RAI1: variants seen among roughly 807,000 people sequenced by gnomAD.
RAI1 encodes the protein retinoic acid-induced protein 1.
RAI1 carries 9 observed loss-of-function variants against 123.8 expected under a neutral mutation model. The ratio of observed to expected loss-of-function variants is 0.07; its 90% confidence interval spans 0.04 to 0.13. RAI1 has a LOEUF of 0.13. Ranked by LOEUF, RAI1 falls within the 10% of genes least tolerant of loss-of-function variation. The pLI is 1.00. For synonymous variants in RAI1, 1,231 were observed against 1,127.3 expected (o/e 1.09, Z -1.84); for missense variants, 2,256 against 2,545.8 (o/e 0.89, Z 2.45).
intron 2 of RAI1, among the ~76,000 whole-genome samples, chr17:17,741,047 T>C (rs1567863854): frequency 1.3e-5 from 2 of 151,726 alleles, no homozygotes; most frequent in South Asian, 2.1e-4. Flanking sequence ...CGTCAGAGCA[T>C]CCGGAGTGTG....
chr17:17,741,063 C>T (rs1328187377), intron 2 of RAI1, among the ~76,000 whole-genome samples: 2 of 151,464 alleles, frequency 1.3e-5, no homozygotes, highest in African/African-American at 4.9e-5. Flanking sequence ...GTGTGGTGAC[C>T]ATGTTAGTAT....
intron 3 of RAI1, 90 bp downstream of exon 3, chr17:17,798,603 C>T: frequency 6.4e-7 from 1 of 1,551,780 alleles, no homozygotes; most frequent in Non-Finnish European, 8.7e-7. Context: ...TCTAGTGCTA[C>T]AGTGTGGGCC....
In RAI1 at chr17:17,799,995, C is replaced by T. The variant is rs914223887; in HGVS notation, c.5565+1482C>T. On this transcript the variant is annotated intron_variant, in intron 3 of 5. Coordinates refer to ENST00000353383, the MANE Select transcript of RAI1 (RefSeq NM_030665.4). The surrounding 1 kb of genome is among the most constrained non-coding windows in gnomAD (Gnocchi z 4.5). ...TGGGGATGGCTGGAGACCTTCTCCA[C>T]GCCCAGACGCCCTGCCCACCTCACT... is the stretch of plus-strand genomic sequence containing the variant. Among the ~76,000 whole-genome samples the T allele has an allele frequency of 2.6e-5, 4 of 152,122 alleles. No homozygotes were observed. Among genetic ancestry groups the T allele is most frequent in the East Asian group, 1.9e-4 (1 of 5,176 alleles).
chr17:17,688,216 G>A (rs1265990467), intron 1 of RAI1, among the ~76,000 whole-genome samples: 1 of 151,688 alleles, frequency 6.6e-6, no homozygotes, highest in Non-Finnish European at 1.5e-5. Context: ...AGGGCGCGGT[G>A]GCTTACGTCT....
At chr17:17,725,353 AGACGCTGCTCCGGTGACCCGGAGATCCG>A in intron 2 of RAI1, among the ~76,000 whole-genome samples, 1 of 152,048 alleles carries the variant, frequency 6.6e-6, no homozygotes, top group African/African-American at 2.4e-5. Context: ...GATCCTCAGC[AGACGCTGCTCCGGTGACCCGGAGATCCG>A]GACGCCTCGA....
chr17:17,796,116 T>C lies in RAI1; in HGVS notation c.3168T>C (p.Cys1056=). 6.3e-7 allele frequency: 1 copy of C among 1,584,596 alleles called. No homozygotes were observed. The highest frequency in any genetic ancestry group is 1.8e-5 in the Admixed American group (1 of 55,870). ...RGASEGLPRM[C]TRSLTALSEP... is the part of the protein sequence containing the mutation. ...CCTCGGAAGGGCTCCCCAGGATGTG[T>C]ACTCGTTCTCTCACGGCCCTGAGTG... The change falls in exon 3 of 6, where the codon TGT becomes TGC. Residue 1056 remains cysteine, a synonymous_variant. Coordinates refer to ENST00000353383, the MANE Select transcript of RAI1 (RefSeq NM_030665.4). The surrounding 1 kb of genome is among the most constrained non-coding windows in gnomAD (Gnocchi z 5.8).
chr17:17,756,741 C>T (rs1381532293), intron 2 of RAI1, among the ~76,000 whole-genome samples: 1 of 152,204 alleles, frequency 6.6e-6, no homozygotes, highest in Non-Finnish European at 1.5e-5. Context: ...CTTAGTGAAG[C>T]AGACGCTTGA....
chr17:17,736,487 T>A (rs1475816956), intron 2 of RAI1, among the ~76,000 whole-genome samples: 1 of 152,230 alleles, frequency 6.6e-6, no homozygotes. Context: ...GCTTAGCTTC[T>A]CTGTAGGAGA....
At position 17,810,700 on chromosome 17, in the gene RAI1, G is replaced by A. The variant is rs911424280; in HGVS notation, c.*719G>A. On this transcript the variant is annotated 3_prime_UTR_variant, in exon 6 of 6. Transcript: ENST00000353383. The surrounding 1 kb of genome is among the most constrained non-coding windows in gnomAD (Gnocchi z 4.6). ...GATCCCCGAGTGTGGGCGGGACTGG[G>A]ACACCCTTTGGCCTCTGTTTGTCCC... 3 of 405,048 alleles carry A rather than the reference G, an allele frequency of 7.4e-6. No individual in the cohort carries two copies. Among genetic ancestry groups the A allele is most frequent in the Non-Finnish European group, 1.5e-5 (3 of 194,696 alleles). The allele number at this position is 405,048 out of a possible 1,614,324, so 25.1% of individuals were successfully genotyped here.
At chr17:17,730,155 A>G (rs1916220635) in intron 2 of RAI1, among the ~76,000 whole-genome samples, 1 of 152,224 alleles carries the variant, frequency 6.6e-6, no homozygotes, top group Admixed American at 6.5e-5. Context: ...TCCCTGCAAG[A>G]TGCCACCTTT....
At chr17:17,745,599 T>C (rs1003696739) in intron 2 of RAI1, among the ~76,000 whole-genome samples, 1 of 152,152 alleles carries the variant, frequency 6.6e-6, no homozygotes, top group Non-Finnish European at 1.5e-5. Flanking sequence ...GGTTTCACCA[T>C]GTTGGCCAGG....
rs773083224 is a variant in RAI1, at chr17:17,810,829, C to T, written c.*848C>T. The T allele has an allele frequency of 2.2e-6, 1 of 454,316 alleles. No homozygotes were observed. Among genetic ancestry groups the T allele is most frequent in the South Asian group, 1.6e-5 (1 of 64,434 alleles). 28.1% of individuals were successfully genotyped at this position (454,316 alleles called of 1,614,324 possible). The stretch of plus-strand genomic sequence containing the variant: ...CTCCGGCGGACGCGCGACCGTTGTG[C>T]ACCACCAGGGACCGCCGCGCCTACT... On this transcript the variant is annotated 3_prime_UTR_variant, in exon 6 of 6. Coordinates refer to ENST00000353383, the MANE Select transcript of RAI1 (RefSeq NM_030665.4). This position sits in a 1 kb window ranked among gnomAD's most constrained non-coding sequence, Gnocchi z 4.6.
At chr17:17,726,340 T>C (rs1916088938) in intron 2 of RAI1, among the ~76,000 whole-genome samples, 1 of 152,140 alleles carries the variant, frequency 6.6e-6, no homozygotes, top group South Asian at 2.1e-4. Context: ...TAAATGTGGG[T>C]GTCTGACCCA....
At chr17:17,710,347 C>T (rs1288168120) in intron 1 of RAI1, among the ~76,000 whole-genome samples, 1 of 152,224 alleles carries the variant, frequency 6.6e-6, no homozygotes, top group Non-Finnish European at 1.5e-5. Flanking sequence ...CCGGGGTACC[C>T]ATCCCACCCT....
At chr17:17,784,054 C>A (rs1486634584) in intron 2 of RAI1, among the ~76,000 whole-genome samples, 1 of 152,120 alleles carries the variant, frequency 6.6e-6, no homozygotes, top group Admixed American at 6.5e-5. Context: ...TAAAATTATA[C>A]CAAGCAGTTT....
chr17:17,799,658 A>T lies in RAI1; in HGVS notation c.5565+1145A>T, dbSNP rs1050995625. 2.6e-5 allele frequency among the ~76,000 whole-genome samples: 4 copies of T among 152,140 alleles called. No individual in the cohort carries two copies. The highest frequency in any genetic ancestry group is 2.6e-4 in the Admixed American group (4 of 15,286). On this transcript the variant is annotated intron_variant, in intron 3 of 5. Coordinates refer to ENST00000353383, the MANE Select transcript of RAI1 (RefSeq NM_030665.4). This position sits in a 1 kb window ranked among gnomAD's most constrained non-coding sequence, Gnocchi z 4.5. Reference sequence around the variant, plus strand: ...ACCCACTATGTGCGGCTGAGGTCACAGGGGAGCCAGAGGGGCTTGGCAGGG... The same window carrying T: ...ACCCACTATGTGCGGCTGAGGTCACTGGGGAGCCAGAGGGGCTTGGCAGGG...
At chr17:17,788,126 C>T (rs1301199788) in intron 2 of RAI1, among the ~76,000 whole-genome samples, 2 of 152,128 alleles carry the variant, frequency 1.3e-5, no homozygotes, top group Non-Finnish European at 2.9e-5. Context: ...GGGATTCTTC[C>T]TTGAGCATGG....
rs34061744 is a variant in RAI1, at chr17:17,811,403, GAAA to G, written c.*1438_*1440del. The G allele has an allele frequency of 0.1, 16,648 of 163,236 alleles. 1,139 individuals carry two copies. The highest frequency in any genetic ancestry group is 0.23 in the African/African-American group (8,371 of 36,604). The allele number at this position is 163,236 out of a possible 1,614,324, so 10.1% of individuals were successfully genotyped here. On this transcript the variant is annotated 3_prime_UTR_variant, in exon 6 of 6. Coordinates refer to ENST00000353383, the MANE Select transcript of RAI1 (RefSeq NM_030665.4). ...GAGTAAAAAACAGTCATTGCATTCA[GAAA>G]AAAAAAAAAAAAAAAGTCAATAAAG...
intron 2 of RAI1, among the ~76,000 whole-genome samples, chr17:17,791,472 T>TC (rs1484496118): frequency 2.0e-5 from 3 of 150,534 alleles, no homozygotes; most frequent in Non-Finnish European, 4.4e-5. Context: ...TGTGCCCCTC[T>TC]CCCCCTCTCT....
Sources: gnomAD v4.1 joint callset for allele counts (sites outside exome capture counted in the v4.1 genomes callset) on GRCh38, gnomAD v4.1.1 for gene constraint, Gnocchi (gnomAD v3.1) non-coding constraint, MANE v1.5 for transcripts, NCBI Gene and HGNC (gene_info 2026-07-23, HGNC 2026-07-21) for gene names.